VRTN: variants seen among roughly 807,000 people sequenced by gnomAD.
The protein encoded by VRTN is vertnin.
In VRTN, 5 loss-of-function variants were observed where a neutral mutation model predicts 18.2. That is an observed-to-expected ratio of 0.27 (90% CI 0.14 to 0.58). The LOEUF is 0.58. Ranked by LOEUF, VRTN falls within the 20% of genes least tolerant of loss-of-function variation. The pLI is 0.91. For missense variants in VRTN, 741 were observed against 939.4 expected, an observed-to-expected ratio of 0.79 and a Z score of 2.76; for synonymous variants, 381 against 393.7, an observed-to-expected ratio of 0.97 and a Z score of 0.38.
intron 1 of VRTN, among the ~76,000 whole-genome samples, chr14:74,355,417 T>C (rs1024143934): frequency 6.6e-6 from 1 of 152,202 alleles, no homozygotes; most frequent in East Asian, 1.9e-4. Flanking sequence ...ACATTCATCA[T>C]ACCTCGGGTT....
chr14:74,320,638 G>C (rs2085450055), intron 1 of VRTN, among the ~76,000 whole-genome samples: 1 of 118,916 alleles, frequency 8.4e-6, no homozygotes, highest in South Asian at 2.9e-4. Context: ...CCAGGCTAGA[G>C]TGCAGTGGCG....
At chr14:74,318,224 C>G (rs1054663364) in intron 1 of VRTN, among the ~76,000 whole-genome samples, 1 of 151,872 alleles carries the variant, frequency 6.6e-6, no homozygotes, top group African/African-American at 2.4e-5. Context: ...CTGCCTCAGC[C>G]TCCTGAATAG....
chr14:74,320,753 A>C (rs1756462848), intron 1 of VRTN, among the ~76,000 whole-genome samples: 1 of 147,914 alleles, frequency 6.8e-6, no homozygotes, highest in African/African-American at 2.5e-5. Flanking sequence ...AACCTGCCTA[A>C]TTTTTGTATT....
chr14:74,303,842 GATT>G lies in VRTN; in HGVS notation c.-164+667_-164+669del, dbSNP rs1326859704. Among the ~76,000 whole-genome samples, 247 of 120,876 alleles carry G rather than the reference GATT, an allele frequency of 2.0e-3. 1 individual carries two copies. Among genetic ancestry groups the G allele is most frequent in the African/African-American group, 9.5e-3 (239 of 25,242 alleles). The allele number at this position is 120,876 out of a possible 152,430, so 79.3% of individuals were successfully genotyped here. A position where few individuals can be genotyped will look rare whatever the true frequency, so the allele number is the denominator to read the frequency against. On this transcript the variant is annotated intron_variant, in intron 1 of 2. Coordinates refer to the VRTN transcript ENST00000557177. Reference sequence around the variant, plus strand: ...GTAGGTCAATCAGTTGACAATTACAGATTTTTTTTTTTTTTTTTTTTTTTTTGA... The same window carrying G: ...GTAGGTCAATCAGTTGACAATTACAGTTTTTTTTTTTTTTTTTTTTTTTGA...
chr14:74,351,205 AGTTT>A (rs2085681021), intron 1 of VRTN, among the ~76,000 whole-genome samples: 2 of 152,252 alleles, frequency 1.3e-5, no homozygotes, highest in Non-Finnish European at 2.9e-5. Context: ...GTGTGTACAC[AGTTT>A]GTTCTTCAGG....
At position 74,358,645 on chromosome 14, in the gene VRTN, G is replaced by A. The variant is rs948350607; in HGVS notation, c.1862G>A (p.Ser621Asn). Residue 621 changes from serine (S) to asparagine (N), a missense_variant, in exon 2 of 2, where the codon AGT becomes AAT. This residue lies in a region of VRTN where 494 missense variants were observed against 546.5 expected (regional missense o/e 0.90). Transcript: ENST00000256362. The surrounding 1 kb of genome is among the most constrained non-coding windows in gnomAD (Gnocchi z 5.4). ...GCCACAGCCCAGGGCCAGCCCCACA[G>A]TGGGCCCTTGCTGAGCCAACCTGTG... ...EGATAQGQPH[S>N]GPLLSQPVVA... is the part of the protein sequence containing the mutation. 6.2e-7 allele frequency: 1 copy of A among 1,610,140 alleles called. No homozygotes were observed. Among genetic ancestry groups the A allele is most frequent in the Non-Finnish European group, 8.5e-7 (1 of 1,177,902 alleles).
rs138920255 is a variant in VRTN, at chr14:74,329,152, G to A, written c.-163-8571G>A. On this transcript the variant is annotated intron_variant, in intron 1 of 2. Coordinates refer to the VRTN transcript ENST00000557177. Reference sequence around the variant, plus strand: ...TAGCTGGGCATGGTGGCGCATGCCTGTAATCCCAGCTACTCAGGAGGCTGA... The same window carrying A: ...TAGCTGGGCATGGTGGCGCATGCCTATAATCCCAGCTACTCAGGAGGCTGA... Among the ~76,000 whole-genome samples, 397 of 152,106 alleles carry A rather than the reference G, an allele frequency of 2.6e-3. 1 individual carries two copies. The highest frequency in any genetic ancestry group is 4.2e-3 in the Non-Finnish European group (283 of 67,988).
rs767192236 is a variant in VRTN at position 74,357,380 on chromosome 14, G to T, written c.597G>T (p.Arg199=). ...ACCCCATGCGCAACCTCAAGATCCGGCCCTACTTCAACCGTGTCATCCGGC... is the reference window on the plus strand; with the variant it reads ...ACCCCATGCGCAACCTCAAGATCCGTCCCTACTTCAACCGTGTCATCCGGC... The part of the protein sequence containing the change: ...SIYPMRNLKI[R]PYFNRVIRPR... The change falls in exon 2 of 2, where the codon CGG becomes CGT. Residue 199 remains arginine (R), a synonymous_variant. Transcript: ENST00000256362. The surrounding 1 kb of genome is among the most constrained non-coding windows in gnomAD (Gnocchi z 7.8). 2 of 1,613,726 alleles carry T rather than the reference G, an allele frequency of 1.2e-6. No individual in the cohort carries two copies. The highest frequency in any genetic ancestry group is 1.7e-5 in the Admixed American group (1 of 60,024).
chr14:74,352,083 C>G lies in VRTN; in HGVS notation c.-2+3431C>G, dbSNP rs577819484. ...TCCAGGATGGTCTTGATCTCTTGAC[C>G]TTGTGATCCGCCTGCCTCGTCCTCC... is the stretch of plus-strand genomic sequence containing the variant. On this transcript the variant is annotated intron_variant, in intron 1 of 1. Transcript: ENST00000256362. Among the ~76,000 whole-genome samples the G allele has an allele frequency of 2.8e-3, 428 of 152,252 alleles. 2 individuals are homozygous for G. Among genetic ancestry groups the G allele is most frequent in the African/African-American group, 1.0e-2 (415 of 41,534 alleles).
rs756291711 is a variant in VRTN at position 74,358,219 on chromosome 14, C to T, written c.1436C>T (p.Ala479Val). Reference sequence around the variant, plus strand: ...GCTGTAATTCCTTGGAAGAGTGAGGCGGAAGAGGGGGCAGGGAATGCCACA... The same window carrying T: ...GCTGTAATTCCTTGGAAGAGTGAGGTGGAAGAGGGGGCAGGGAATGCCACA... ...EGAVIPWKSE[A>V]EEGAGNATGE... The change falls in exon 2 of 2, where the codon GCG (alanine) becomes GTG (valine). Residue 479 changes from alanine (A) to valine (V), a missense_variant. Ala to Val is a moderately conservative substitution (Grantham distance 64, BLOSUM62 0). This residue lies in a region of VRTN where 494 missense variants were observed against 546.5 expected (regional missense o/e 0.90). Coordinates refer to ENST00000256362, the MANE Select transcript of VRTN (RefSeq NM_018228.3). This position sits in a 1 kb window ranked among gnomAD's most constrained non-coding sequence, Gnocchi z 5.4. The T allele has an allele frequency of 2.9e-5, 47 of 1,612,500 alleles. No individual in the cohort carries two copies. In the Admixed American group the frequency reaches 4.7e-4, roughly 16 times the overall value.
intron 1 of VRTN, among the ~76,000 whole-genome samples, chr14:74,305,109 A>G (rs2085338045): frequency 6.6e-6 from 1 of 152,114 alleles, no homozygotes; most frequent in Non-Finnish European, 1.5e-5. Flanking sequence ...AAGCAGGCAA[A>G]TCACCTGAGG....
At position 74,357,782 on chromosome 14, in the gene VRTN, G is replaced by A; in HGVS notation, c.999G>A (p.Gln333=). 2 of 1,613,112 alleles carry A rather than the reference G, an allele frequency of 1.2e-6. No individual in the cohort carries two copies. The highest frequency in any genetic ancestry group is 3.3e-4 in the Middle Eastern group (2 of 6,062). The change falls in exon 2 of 2, where the codon CAG becomes CAA. Residue 333 remains glutamine (Q), a synonymous_variant. Coordinates refer to ENST00000256362, the MANE Select transcript of VRTN (RefSeq NM_018228.3). The surrounding 1 kb of genome is among the most constrained non-coding windows in gnomAD (Gnocchi z 7.8). ...ACCGGGGGGGCGTCGTGCCACTTCA[G>A]CAGTTCCTCCAGCGGTTCCCGGAGA... ...SFHRGGVVPL[Q]QFLQRFPEIS...
At chr14:74,309,319 T>A (rs1241105308) in intron 1 of VRTN, among the ~76,000 whole-genome samples, 2 of 152,176 alleles carry the variant, frequency 1.3e-5, no homozygotes, top group Non-Finnish European at 2.9e-5. Flanking sequence ...TGTGTCCCCA[T>A]TTTCCAGAAG....
In VRTN at chr14:74,356,801, G is replaced by A. The variant is rs764322762; in HGVS notation, c.18G>A (p.Gln6=). 6.3e-7 allele frequency: 1 copy of A among 1,597,832 alleles called. No individual in the cohort carries two copies. ...CTGGCAGGATGACTTCTCGGAACCA[G>A]CTGGTGCAGAAGGTGCTGCAGGAGC... MTSRN[Q]LVQKVLQELQ... Residue 6 remains glutamine, a synonymous_variant, in exon 2 of 2, where the codon CAG becomes CAA. Transcript: ENST00000256362.
chr14:74,310,910 C>G (rs552415287), intron 1 of VRTN, among the ~76,000 whole-genome samples: 1 of 151,996 alleles, frequency 6.6e-6, no homozygotes, highest in Admixed American at 6.6e-5. Flanking sequence ...CCTAGGCTGT[C>G]GAACTCCTGG....
chr14:74,329,296 G>A (rs1238264321), intron 1 of VRTN, among the ~76,000 whole-genome samples: 1 of 150,980 alleles, frequency 6.6e-6, no homozygotes, highest in Non-Finnish European at 1.5e-5. Flanking sequence ...AAAAGAAACA[G>A]GGTCTCACTC....
chr14:74,339,964 C>T (rs1179744096), intron 2 of VRTN, among the ~76,000 whole-genome samples: 6 of 152,088 alleles, frequency 3.9e-5, no homozygotes, highest in Admixed American at 2.6e-4. Flanking sequence ...GAGATGGAGT[C>T]TCACTCTGCT....
At chr14:74,312,382 A>C (rs2140192489) in intron 1 of VRTN, among the ~76,000 whole-genome samples, 1 of 152,296 alleles carries the variant, frequency 6.6e-6, no homozygotes, top group East Asian at 1.9e-4. Context: ...AGGAATTCAG[A>C]ATGCAAGGAT....
chr14:74,325,789 A>G (rs570893712), intron 1 of VRTN, among the ~76,000 whole-genome samples: 2 of 152,146 alleles, frequency 1.3e-5, no homozygotes, highest in Non-Finnish European at 2.9e-5. Flanking sequence ...AAAGAAAAAA[A>G]GAGGAAAGAA....
Sources: gnomAD v4.1 joint callset for allele counts (sites outside exome capture counted in the v4.1 genomes callset) on GRCh38, gnomAD v4.1.1 for gene constraint, gnomAD v4.1.1 regional missense constraint, Gnocchi (gnomAD v3.1) non-coding constraint, MANE v1.5 for transcripts, NCBI Gene and HGNC (gene_info 2026-07-23, HGNC 2026-07-21) for gene names.